GPM6A: variants seen among roughly 807,000 people sequenced by gnomAD.
GPM6A encodes neuronal membrane glycoprotein M6-a.
In GPM6A, 7 loss-of-function variants were observed where a neutral mutation model predicts 32.1. That is an observed-to-expected ratio of 0.22 (90% CI 0.12 to 0.41). The LOEUF (loss-of-function observed/expected upper bound fraction) is 0.41. Ranked by LOEUF, GPM6A falls within the 10% of genes least tolerant of loss-of-function variation. The pLI is 1.00. For missense variants in GPM6A, 235 were observed against 347.2 expected, an observed-to-expected ratio of 0.68 and a Z score of 2.57; for synonymous variants, 130 against 123.4, an observed-to-expected ratio of 1.05 and a Z score of -0.35.
intron 1 of GPM6A, among the ~76,000 whole-genome samples, chr4:175,934,045 C>T (rs1433223714): frequency 1.3e-5 from 2 of 152,166 alleles, no homozygotes; most frequent in Non-Finnish European, 2.9e-5. Context: ...AAGTTACATC[C>T]ATTTATATTA....
At chr4:175,771,854 GC>G (rs1733205606) in intron 1 of GPM6A, among the ~76,000 whole-genome samples, 2 of 152,138 alleles carry the variant, frequency 1.3e-5, no homozygotes, top group Admixed American at 1.3e-4. Context: ...GCTTTGCCTT[GC>G]CATAGTCTGA....
chr4:175,703,871 C>T (rs750863444), intron 1 of GPM6A, among the ~76,000 whole-genome samples: 1 of 152,070 alleles, frequency 6.6e-6, no homozygotes, highest in South Asian at 2.1e-4. Flanking sequence ...GATACACACA[C>T]ATATCCTCAT....
intron 2 of GPM6A, among the ~76,000 whole-genome samples, chr4:175,694,896 G>A (rs145303863): frequency 4.1e-4 from 62 of 152,232 alleles, no homozygotes; most frequent in South Asian, 3.5e-3. Flanking sequence ...CAAGGGCCTG[G>A]CCTGAGGTCC....
At chr4:175,911,259 G>C (rs779729883) in intron 1 of GPM6A, among the ~76,000 whole-genome samples, 24 of 152,014 alleles carry the variant, frequency 1.6e-4, no homozygotes, top group Non-Finnish European at 3.5e-4. Context: ...GCAGATGAAG[G>C]GGTGACGAGA....
intron 1 of GPM6A, among the ~76,000 whole-genome samples, chr4:175,857,256 T>G (rs371201605): frequency 6.6e-6 from 1 of 152,124 alleles, no homozygotes; most frequent in East Asian, 1.9e-4. Flanking sequence ...TATACAAATA[T>G]GTGAAAAGTA....
chr4:175,915,101 T>A (rs1560991950), intron 1 of GPM6A, among the ~76,000 whole-genome samples: 1 of 152,116 alleles, frequency 6.6e-6, no homozygotes, highest in Non-Finnish European at 1.5e-5. Context: ...ACAATAGTAT[T>A]GAGTAAAGAA....
intron 1 of GPM6A, among the ~76,000 whole-genome samples, chr4:175,978,325 T>C (rs1240225681): frequency 1.3e-5 from 2 of 152,134 alleles, no homozygotes; most frequent in Non-Finnish European, 2.9e-5. Flanking sequence ...GAGAACTCAC[T>C]AACTATCATG....
chr4:175,713,257 C>G (rs993295436), intron 1 of GPM6A, among the ~76,000 whole-genome samples: 6 of 152,228 alleles, frequency 3.9e-5, no homozygotes, highest in Admixed American at 3.9e-4. Flanking sequence ...GGCCGGAATG[C>G]GATGGCAGGA....
chr4:175,867,345 T>C (rs76658082), intron 1 of GPM6A, among the ~76,000 whole-genome samples: 4,707 of 152,214 alleles, frequency 0.031, 218 homozygotes, highest in African/African-American at 0.11. Context: ...GGTAATCTAG[T>C]TTTTCTTCTC....
intron 1 of GPM6A, among the ~76,000 whole-genome samples, chr4:175,793,572 C>T (rs766071479): frequency 1.3e-5 from 2 of 152,016 alleles, no homozygotes; most frequent in African/African-American, 2.4e-5. Flanking sequence ...GAAAGGGTTT[C>T]GCTATGTTGG....
chr4:175,689,437 A>G (rs1744170769), intron 2 of GPM6A, among the ~76,000 whole-genome samples: 1 of 143,634 alleles, frequency 7.0e-6, no homozygotes, highest in Non-Finnish European at 1.6e-5. Context: ...GGTTAAGTTT[A>G]TTTATAGCGT....
At chr4:175,818,879 C>A (rs1735192392) in intron 1 of GPM6A, among the ~76,000 whole-genome samples, 1 of 152,108 alleles carries the variant, frequency 6.6e-6, no homozygotes. Context: ...CATCTTTCCT[C>A]TAGGAAGGGA....
intron 1 of GPM6A, among the ~76,000 whole-genome samples, chr4:175,727,162 A>G (rs2111131069): frequency 6.6e-6 from 1 of 152,334 alleles, no homozygotes; most frequent in African/African-American, 2.4e-5. Flanking sequence ...ACTAATTGAC[A>G]TTATGTCATC....
At chr4:175,653,842 T>A (rs1214320823) in intron 3 of GPM6A, among the ~76,000 whole-genome samples, 9 of 152,154 alleles carry the variant, frequency 5.9e-5, no homozygotes, top group Admixed American at 5.9e-4. Flanking sequence ...GTAAACATTT[T>A]ACTCATCTTC....
At chr4:175,882,398 A>G (rs1737308262) in intron 1 of GPM6A, among the ~76,000 whole-genome samples, 1 of 151,998 alleles carries the variant, frequency 6.6e-6, no homozygotes, top group South Asian at 2.1e-4. Flanking sequence ...TAAGTCTTCA[A>G]TAATAATATA....
rs570596109 is a variant in GPM6A, at chr4:175,820,629, T to A, written c.-22-8380A>T. On this transcript the variant is annotated intron_variant, in intron 1 of 7. Coordinates refer to the GPM6A transcript ENST00000280187. ...GATTCTCCTGCCTCAGCCTCCCAAG[T>A]ACTGGGATTACAGGCATGCGCCACC... Among the ~76,000 whole-genome samples the A allele has an allele frequency of 4.6e-5, 7 of 151,970 alleles. No individual in the cohort carries two copies. The East Asian group carries it at 1.4e-3, about 29-fold the overall frequency.
intron 1 of GPM6A, among the ~76,000 whole-genome samples, chr4:175,864,252 G>A (rs1235066652): frequency 1.3e-5 from 2 of 152,094 alleles, no homozygotes; most frequent in African/African-American, 4.8e-5. Context: ...CTGCAGCCTT[G>A]ACCTTCTGGG....
rs1472349189 is a variant in GPM6A at position 175,770,898 on chromosome 4, T to TCATC, written c.37+41289_37+41292dup. 2.6e-5 allele frequency among the ~76,000 whole-genome samples: 4 copies of TCATC among 152,198 alleles called. No homozygotes were observed. In the East Asian group the frequency reaches 7.7e-4, roughly 29 times the overall value. On this transcript the variant is annotated intron_variant, in intron 1 of 6. Coordinates refer to ENST00000393658, the MANE Select transcript of GPM6A (RefSeq NM_201591.3). ...GCCGATTTCTGCCAACATGATTACT[T>TCATC]CATCCTCGGTGCATCCCTTATTTAC...
chr4:175,828,063 A>G (rs535236934), intron 1 of GPM6A, among the ~76,000 whole-genome samples: 1 of 152,332 alleles, frequency 6.6e-6, no homozygotes, highest in African/African-American at 2.4e-5. Flanking sequence ...ATTTATAAAT[A>G]GGTCTTTTTC....
Sources: gnomAD v4.1 joint callset for allele counts (sites outside exome capture counted in the v4.1 genomes callset) on GRCh38, gnomAD v4.1.1 for gene constraint, MANE v1.5 for transcripts, NCBI Gene and HGNC (gene_info 2026-07-23, HGNC 2026-07-21) for gene names.